The following PPP2R3B variants were observed in gnomAD, a reference collection of about 807,000 sequenced individuals.
PPP2R3B encodes the protein serine/threonine-protein phosphatase 2A regulatory subunit B'' subunit beta.
In PPP2R3B, 68 loss-of-function variants were observed where a neutral mutation model predicts 72.9. That is an observed-to-expected ratio of 0.93 (90% confidence interval 0.77 to 1.14). The LOEUF is 1.14. Ranked by LOEUF, PPP2R3B falls within the 50% of genes most tolerant of loss-of-function variation. The probability of loss-of-function intolerance (pLI) is 0.00; values close to 1 mark genes in which losing one functional copy is unlikely to be tolerated. For missense variants in PPP2R3B, 1,018 were observed against 842.0 expected, an observed-to-expected ratio of 1.21 and a Z score of -2.59; for synonymous variants, 466 against 375.8, an observed-to-expected ratio of 1.24 and a Z score of -2.78.
rs2071073401 is a variant in PPP2R3B, at chrX:341,471, C to T, written c.1086-75G>A. ...TTCACAGGAACGGAGCCCCTGTCCA[C>T]GCGCCTCGGTGAGGGGAGCCCCCCG... On this transcript the variant is annotated intron_variant, in intron 8 of 12. Coordinates refer to ENST00000390665, the MANE Select transcript of PPP2R3B (RefSeq NM_013239.5). 16 of 1,507,522 alleles carry T rather than the reference C, an allele frequency of 1.1e-5. No homozygotes were observed. The African/African-American group carries it at 1.1e-4, about 10-fold the overall frequency. The allele number at this position is 1,507,522 out of a possible 1,614,324, so 93.4% of individuals were successfully genotyped here.
rs758876575 is a variant in PPP2R3B, at chrX:361,581, G to A, written c.334C>T (p.Arg112Trp). ...RSAGTRVVQT[R>W]KEEPLPPATS... ...GCCGGGGGCAGAGGCTCTTCTTTCCGTGTCTGAACCTGAAGAGTCGACAGA... is the reference window on the plus strand; with the variant it reads ...GCCGGGGGCAGAGGCTCTTCTTTCCATGTCTGAACCTGAAGAGTCGACAGA... Residue 112 changes from arginine to tryptophan, a missense_variant, in exon 2 of 13, where the codon CGG (arginine) becomes TGG (tryptophan). Coordinates refer to ENST00000390665, the MANE Select transcript of PPP2R3B (RefSeq NM_013239.5). 3.3e-5 allele frequency: 53 copies of A among 1,613,782 alleles called. No homozygotes were observed. Among genetic ancestry groups the A allele is most frequent in the South Asian group, 2.1e-4 (19 of 91,082 alleles).
intron 2 of PPP2R3B, among the ~76,000 whole-genome samples, chrX:353,766 G>C (rs1167869473): frequency 6.7e-6 from 1 of 149,750 alleles, no homozygotes; most frequent in Non-Finnish European, 1.5e-5. Flanking sequence ...CAAAGACCGG[G>C]GGCTCACCCA....
chrX:339,272 C>CGGGGGGGGGCAGGGCTGCA (rs113634597), intron 10 of PPP2R3B, among the ~76,000 whole-genome samples: 1 of 134,320 alleles, frequency 7.4e-6, no homozygotes, highest in African/African-American at 2.8e-5. Context: ...GCCCCATGGC[C>CGGGGGGGGGCAGGGCTGCA]GGGGGGGGCA....
At chrX:357,414 T>C (rs1320260331) in intron 2 of PPP2R3B, among the ~76,000 whole-genome samples, 1 of 152,028 alleles carries the variant, frequency 6.6e-6, no homozygotes, top group Non-Finnish European at 1.5e-5. Flanking sequence ...AGGAAGTGTA[T>C]GTAAAAAAGA....
intron 1 of PPP2R3B, among the ~76,000 whole-genome samples, chrX:376,355 C>T (rs1368923676): frequency 8.5e-5 from 13 of 152,210 alleles, no homozygotes; most frequent in Non-Finnish European, 1.9e-4. Flanking sequence ...ATGCAGAACC[C>T]GCACCACCCG....
intron 2 of PPP2R3B, chrX:359,755 T>C: frequency 2.2e-6 from 1 of 462,840 alleles, no homozygotes. Context: ...TGTATGTTCA[T>C]ACTCATACAC....
intron 1 of PPP2R3B, among the ~76,000 whole-genome samples, chrX:369,706 C>A (rs2071814249): frequency 1.3e-5 from 2 of 152,236 alleles, no homozygotes; most frequent in Non-Finnish European, 2.9e-5. Context: ...GGCGCGGTGA[C>A]CAGCAGAAAT....
chrX:336,314 G>A (rs1280482661), intron 12 of PPP2R3B: 1 of 152,232 alleles, frequency 6.6e-6, no homozygotes, highest in Non-Finnish European at 1.5e-5. Flanking sequence ...GACACACAGA[G>A]GAACCACGGA....
chrX:373,545 T>C (rs2071915242), intron 1 of PPP2R3B: 3 of 241,816 alleles, frequency 1.2e-5, no homozygotes, highest in South Asian at 3.8e-5. Flanking sequence ...CTGGAAGGCC[T>C]TCAGCCGCTT....
Position 345,570 on chromosome X carries a change from T to G in PPP2R3B, c.982A>C (p.Thr328Pro). ...VIYCKFWELD[T>P]DHDLLIDADD... ...GCGTCGATGAGCAGGTCGTGGTCCG[T>G]GTCCAGCTCCCAGAACTTGCAGTAG... is the stretch of plus-strand genomic sequence containing the variant. The change falls in exon 7 of 13, where the codon ACG becomes CCG. Residue 328 changes from threonine (T) to proline (P), a missense_variant. Thr to Pro is a conservative substitution (Grantham distance 38, BLOSUM62 -1). Transcript: ENST00000390665. The G allele has an allele frequency of 6.2e-7, 1 of 1,613,214 alleles. No homozygotes were observed.
chrX:334,614 C>T (rs915585815), intron 12 of PPP2R3B, 97 bp from the exon 13 acceptor site: 23 of 1,315,222 alleles, frequency 1.7e-5, no homozygotes, highest in Non-Finnish European at 3.9e-6. Context: ...CAACCTCCAG[C>T]ACGAGACAGT....
intron 1 of PPP2R3B, among the ~76,000 whole-genome samples, chrX:366,456 A>C (rs865804616): frequency 0.019 from 88 of 4,630 alleles, 34 homozygotes; most frequent in African/African-American, 0.025. Context: ...TCGCTTCAAC[A>C]CAGGAGGCGG....
intron 1 of PPP2R3B, among the ~76,000 whole-genome samples, chrX:371,939 A>AACTT (rs2071875371): frequency 6.6e-6 from 1 of 152,140 alleles, no homozygotes. Context: ...AAATGAAGCA[A>AACTT]ACTTCTGTAA....
At position 347,346 on chromosome X, in the gene PPP2R3B, C is replaced by G. The variant is rs762792852; in HGVS notation, c.615-10G>C. On this transcript the variant is annotated splice_polypyrimidine_tract_variant and intron_variant, in intron 3 of 12. Transcript: ENST00000390665. ...GCAGTTCTGGAGGATTCTGGAAGGACAGGATGACTGGGCACCACCCTCACA... is the reference window on the plus strand; with the variant it reads ...GCAGTTCTGGAGGATTCTGGAAGGAGAGGATGACTGGGCACCACCCTCACA... The G allele has an allele frequency of 6.2e-7, 1 of 1,613,236 alleles. No individual in the cohort carries two copies. The highest frequency in any genetic ancestry group is 2.2e-5 in the East Asian group (1 of 44,858).
At chrX:363,489 C>CA (rs2071597383) in intron 1 of PPP2R3B, among the ~76,000 whole-genome samples, 29 of 2,152 alleles carry the variant, frequency 0.013, no homozygotes, top group South Asian at 0.026. Context: ...CCGAGCCCAG[C>CA]ATCCCACAAT....
chrX:355,853 C>T (rs959481397), intron 2 of PPP2R3B, among the ~76,000 whole-genome samples: 6 of 152,342 alleles, frequency 3.9e-5, no homozygotes, highest in African/African-American at 1.2e-4. Context: ...AAAAGTCCAG[C>T]GCACGTGCCC....
intron 1 of PPP2R3B, among the ~76,000 whole-genome samples, chrX:376,444 G>A (rs1489794365): frequency 2.6e-5 from 4 of 150,986 alleles, no homozygotes; most frequent in South Asian, 4.2e-4. Context: ...GCCCCCATGG[G>A]GCCATCCACT....
chrX:351,528 G>C (rs1354064649), intron 2 of PPP2R3B, among the ~76,000 whole-genome samples: 2 of 151,980 alleles, frequency 1.3e-5, no homozygotes, highest in African/African-American at 2.4e-5. Context: ...TGTGATCACA[G>C]CGTGATCCAT....
intron 12 of PPP2R3B, chrX:336,768 A>ACAGGAAAACAT (rs1454738442): frequency 5.1e-4 from 78 of 152,358 alleles, no homozygotes; most frequent in African/African-American, 1.9e-3. Context: ...ACCGCTGACA[A>ACAGGAAAACAT]CAGGAAAACA....
Sources: gnomAD v4.1 joint callset for allele counts (sites outside exome capture counted in the v4.1 genomes callset) on GRCh38, gnomAD v4.1.1 for gene constraint, MANE v1.5 for transcripts, NCBI Gene and HGNC (gene_info 2026-07-23, HGNC 2026-07-21) for gene names.